The following NLRP3 variants were observed in gnomAD, a reference collection of about 807,000 sequenced individuals.
NLRP3 encodes the protein NACHT, LRR and PYD domains-containing protein 3.
A neutral mutation model predicts 91.3 loss-of-function variants in NLRP3; 48 were observed. The ratio of observed to expected loss-of-function variants is 0.53; its 90% CI spans 0.42 to 0.67. NLRP3 has a LOEUF of 0.67. Ranked by LOEUF, NLRP3 falls within the 30% of genes least tolerant of loss-of-function variation. NLRP3 has a pLI of 0.00. For synonymous variants in NLRP3, 561 were observed against 507.9 expected, an observed-to-expected ratio of 1.10 and a Z score of -1.41; for missense variants, 982 against 1,276.9, an observed-to-expected ratio of 0.77 and a Z score of 3.52.
intron 2 of NLRP3, among the ~76,000 whole-genome samples, chr1:247,422,378 C>CAAAA (rs3078448): frequency 1.4e-5 from 2 of 141,864 alleles, no homozygotes; most frequent in Admixed American, 7.1e-5. Flanking sequence ...GGCCCTGTCT[C>CAAAA]AAAAAAAAAA....
chr1:247,420,576 G>A (rs1662385517), intron 2 of NLRP3, among the ~76,000 whole-genome samples: 2 of 152,122 alleles, frequency 1.3e-5, no homozygotes, highest in Non-Finnish European at 1.5e-5. Context: ...AATTAGCCGG[G>A]TGTGGTGGTG....
Position 247,425,832 on chromosome 1 carries a change from G to A in NLRP3, c.2150+233G>A. 3 of 557,728 alleles carry A rather than the reference G, an allele frequency of 5.4e-6. 1 individual carries two copies. In the South Asian group the frequency reaches 6.0e-5, roughly 11 times the overall value. 34.5% of individuals were successfully genotyped at this position (557,728 alleles called of 1,614,324 possible). On this transcript the variant is annotated intron_variant, in intron 4 of 9. Coordinates refer to ENST00000336119, the MANE Select transcript of NLRP3 (RefSeq NM_001243133.2). The surrounding 1 kb of genome is among the most constrained non-coding windows in gnomAD (Gnocchi z 4.1). Reference sequence around the variant, plus strand: ...AACAAGGAACAAATGTTTGGGGAATGCCAGTTTAGCACAAGGTATTAAGTA... The same window carrying A: ...AACAAGGAACAAATGTTTGGGGAATACCAGTTTAGCACAAGGTATTAAGTA...
intron 7 of NLRP3, among the ~76,000 whole-genome samples, chr1:247,439,045 C>CGTCCATCCATCCATCT (rs1553291703): frequency 6.6e-6 from 1 of 150,376 alleles, no homozygotes; most frequent in African/African-American, 2.5e-5. Context: ...TCCATCCATC[C>CGTCCATCCATCCATCT]ATCCATCCAT....
chr1:247,435,886 G>A, intron 6 of NLRP3, 84 bp from the exon 7 acceptor site: 1 of 1,256,180 alleles, frequency 8.0e-7, no homozygotes, highest in Non-Finnish European at 1.2e-6. Context: ...CTGGAGTAGA[G>A]GCAGTGGCAG....
At chr1:247,422,378 CAAA>C (rs3078448) in intron 2 of NLRP3, among the ~76,000 whole-genome samples, 1 of 141,832 alleles carries the variant, frequency 7.1e-6, no homozygotes. Context: ...GGCCCTGTCT[CAAA>C]AAAAAAAAAA....
At chr1:247,423,436 A>C (rs1273786501) in intron 3 of NLRP3, 87 bp downstream of exon 3, 5 of 1,496,938 alleles carry the variant, frequency 3.3e-6, no homozygotes, top group Non-Finnish European at 4.7e-6. Context: ...TAACTTGGCC[A>C]TACTATAGGT....
Position 247,425,643 on chromosome 1 carries a change from C to T in NLRP3, c.2150+44C>T, listed in dbSNP as rs1662821263. On this transcript the variant is annotated intron_variant, in intron 4 of 9. Transcript: ENST00000336119. This position sits in a 1 kb window ranked among gnomAD's most constrained non-coding sequence, Gnocchi z 4.1. ...CAGGTGCTTCCTCCTGCTTCCTCGC[C>T]AGCTTCTTCTTGGCGCTTGCCTCCT... The T allele has an allele frequency of 3.2e-6, 5 of 1,581,372 alleles. No homozygotes were observed. Among genetic ancestry groups the T allele is most frequent in the Non-Finnish European group, 4.3e-6 (5 of 1,164,272 alleles).
intron 4 of NLRP3, among the ~76,000 whole-genome samples, chr1:247,426,839 G>C (rs972139443): frequency 2.6e-5 from 4 of 152,190 alleles, no homozygotes; most frequent in Non-Finnish European, 5.9e-5. Flanking sequence ...CCAGCTTCCG[G>C]AGGATGGGCA....
At chr1:247,422,610 A>C (rs997549912) in intron 2 of NLRP3, among the ~76,000 whole-genome samples, 3 of 152,070 alleles carry the variant, frequency 2.0e-5, no homozygotes, top group African/African-American at 4.8e-5. Context: ...CCTGGGCCTC[A>C]CCTCAGAGGG....
rs756685534 is a variant in NLRP3, at chr1:247,423,822, C to T, written c.398-25C>T. On this transcript the variant is annotated intron_variant, in intron 3 of 9. Transcript: ENST00000336119. The stretch of plus-strand genomic sequence containing the variant: ...TCAGGTGGATGTGTGTATACTTTCC[C>T]CCTAACTTCCTGTCTTTGCCGTAGA... 226 of 1,606,914 alleles carry T rather than the reference C, an allele frequency of 1.4e-4. No homozygotes were observed. In the Admixed American group the frequency reaches 3.8e-3, roughly 27 times the overall value.
chr1:247,438,795 A>G (rs890158067), intron 7 of NLRP3, among the ~76,000 whole-genome samples: 1 of 152,192 alleles, frequency 6.6e-6, no homozygotes, highest in African/African-American at 2.4e-5. Context: ...TCATTCACAA[A>G]CTTTTTATTA....
At chr1:247,436,228 A>T in intron 7 of NLRP3, 88 bp downstream of exon 7, 1 of 1,333,474 alleles carries the variant, frequency 7.5e-7, no homozygotes, top group Non-Finnish European at 1.1e-6. Context: ...TACTTTGGTC[A>T]GGCAGAGCTG....
chr1:247,424,837 A>G lies in NLRP3; in HGVS notation c.1388A>G (p.His463Arg). 6.2e-7 allele frequency: 1 copy of G among 1,607,820 alleles called. No homozygotes were observed. The highest frequency in any genetic ancestry group is 2.2e-5 in the East Asian group (1 of 44,858). The change falls in exon 4 of 10, where the codon CAC becomes CGC. Residue 463 changes from histidine to arginine, a missense_variant. This residue lies in a region of NLRP3 where 548 missense variants were observed against 713.7 expected (regional missense o/e 0.77). Transcript: ENST00000336119. This position sits in a 1 kb window ranked among gnomAD's most constrained non-coding sequence, Gnocchi z 8.1. ...GGSQEHGLCA[H>R]LWGLCSLAAD... is the part of the protein sequence containing the mutation. The stretch of plus-strand genomic sequence containing the variant: ...AGCCAGGAGCACGGCCTCTGCGCCC[A>G]CCTCTGGGGGCTCTGCTCTTTGGCT...
intron 7 of NLRP3, among the ~76,000 whole-genome samples, 190 bp downstream of exon 7, chr1:247,436,330 AT>A (rs1303867869): frequency 1.3e-5 from 2 of 152,216 alleles, no homozygotes; most frequent in Non-Finnish European, 2.9e-5. Flanking sequence ...ATTTATGCTA[AT>A]TTATGATTAT....
chr1:247,435,784 G>A (rs1185991964), intron 6 of NLRP3, among the ~76,000 whole-genome samples, 186 bp from the exon 7 acceptor site: 1 of 152,232 alleles, frequency 6.6e-6, no homozygotes, highest in Non-Finnish European at 1.5e-5. Flanking sequence ...ATTGGTGGGA[G>A]CTTGGAGAAT....
intron 7 of NLRP3, among the ~76,000 whole-genome samples, chr1:247,436,476 A>C (rs1049483747): frequency 1.3e-5 from 2 of 152,192 alleles, no homozygotes; most frequent in Non-Finnish European, 2.9e-5. Flanking sequence ...GCAAGCATGC[A>C]AGTTATCGCA....
intron 4 of NLRP3, among the ~76,000 whole-genome samples, chr1:247,426,159 G>GC (rs1395472331): frequency 3.3e-5 from 5 of 152,038 alleles, no homozygotes; most frequent in Non-Finnish European, 1.5e-5. Flanking sequence ...AAAAGTGTGT[G>GC]CAGGTGACAG....
At chr1:247,436,190 G>T in intron 7 of NLRP3, 50 bp downstream of exon 7, 1 of 1,584,086 alleles carries the variant, frequency 6.3e-7, no homozygotes, top group African/African-American at 1.3e-5. Flanking sequence ...TTTCAGAGGT[G>T]AATTATTTGG....
chr1:247,428,681 A>G lies in NLRP3; in HGVS notation c.2151-904A>G, dbSNP rs755500765. Among the ~76,000 whole-genome samples the G allele has an allele frequency of 1.1e-3, 174 of 152,280 alleles. 1 individual carries two copies. The highest frequency in any genetic ancestry group is 3.4e-3 in the Middle Eastern group (1 of 294). On this transcript the variant is annotated intron_variant, in intron 4 of 9. Transcript: ENST00000336119. The stretch of plus-strand genomic sequence containing the variant: ...ATAAAAAAGATCCATATAGCTGGAC[A>G]CAGTGACTCGTGCCTGTAACCTCAG...
Sources: allele counts gnomAD v4.1 joint callset (sites outside exome capture counted in the v4.1 genomes callset), GRCh38; gene constraint gnomAD v4.1.1; regional missense constraint gnomAD v4.1.1; non-coding constraint Gnocchi (gnomAD v3.1); transcripts MANE v1.5; gene names NCBI Gene and HGNC (gene_info 2026-07-23, HGNC 2026-07-21).